The following LNX1 variants were observed in gnomAD, a reference collection of about 807,000 sequenced individuals.
LNX1 encodes the protein ligand of numb-protein X 1.
LNX1 carries 54 observed loss-of-function variants against 68.4 expected under a neutral mutation model. The ratio of observed to expected loss-of-function variants is 0.79; its 90% CI spans 0.63 to 0.99. The LOEUF (loss-of-function observed/expected upper bound fraction) is 0.99. LNX1 is among the 50% of genes least tolerant of loss of function. The probability of loss-of-function intolerance (pLI) is 0.00; values close to 1 mark genes in which losing one functional copy is unlikely to be tolerated. For missense variants in LNX1, 906 were observed against 926.4 expected, an observed-to-expected ratio of 0.98 and a Z score of 0.29; for synonymous variants, 336 against 350.0, an observed-to-expected ratio of 0.96 and a Z score of 0.45.
At position 53,461,416 on chromosome 4, in the gene LNX1, G is replaced by T. The variant is rs760442570; in HGVS notation, c.2051+19C>A. ...AACAACATTTAATACAAGTATTTTTGATTAGTCATTATTATTACCTAATTC... is the reference window on the plus strand; with the variant it reads ...AACAACATTTAATACAAGTATTTTTTATTAGTCATTATTATTACCTAATTC... On this transcript the variant is annotated intron_variant, in intron 10 of 10. Coordinates refer to ENST00000263925, the MANE Select transcript of LNX1 (RefSeq NM_001126328.3). 1.3e-6 allele frequency: 2 copies of T among 1,559,296 alleles called. No individual in the cohort carries two copies. The highest frequency in any genetic ancestry group is 8.8e-7 in the Non-Finnish European group (1 of 1,139,624).
intron 9 of LNX1, among the ~76,000 whole-genome samples, chr4:53,473,004 A>G (rs946089503): frequency 6.6e-6 from 1 of 152,182 alleles, no homozygotes; most frequent in Admixed American, 6.6e-5. Flanking sequence ...GTGATTTTCA[A>G]ATTTTTTTGT....
upstream of LNX1, among the ~76,000 whole-genome samples, chr4:53,592,561 G>A (rs1465703920): frequency 6.6e-6 from 1 of 152,172 alleles, no homozygotes; most frequent in African/African-American, 2.4e-5. Flanking sequence ...CCCCGTCCCG[G>A]AAGATGGCCT....
Position 53,461,050 on chromosome 4 carries a change from A to T in LNX1, c.2052-8T>A, listed in dbSNP as rs754510150. Reference sequence around the variant, plus strand: ...AGAAGAATATCACCACATCTAAAAAAAAAAACAAAACAAGATATGATTAGT... The same window carrying T: ...AGAAGAATATCACCACATCTAAAAATAAAAACAAAACAAGATATGATTAGT... On this transcript the variant is annotated splice_polypyrimidine_tract_variant and splice_region_variant and intron_variant, in intron 10 of 10. Transcript: ENST00000263925. 1 of 1,551,088 alleles carries T rather than the reference A, an allele frequency of 6.4e-7. No individual in the cohort carries two copies. Among genetic ancestry groups the T allele is most frequent in the East Asian group, 2.3e-5 (1 of 43,598 alleles).
At chr4:53,490,288 G>C (rs1388331904) in intron 6 of LNX1, among the ~76,000 whole-genome samples, 10 of 152,072 alleles carry the variant, frequency 6.6e-5, no homozygotes, top group Admixed American at 2.6e-4. Context: ...TTGAATCTTT[G>C]GTCCATTATT....
intron 1 of LNX1, among the ~76,000 whole-genome samples, chr4:53,625,285 A>C (rs2572294): frequency 0.98 from 149,717 of 152,276 alleles, 73,642 homozygotes; most frequent in Middle Eastern, 1. Flanking sequence ...AAAAAGACAA[A>C]CCATGGAATG....
intron 2 of LNX1, among the ~76,000 whole-genome samples, chr4:53,547,060 A>T (rs773868892): frequency 1.3e-5 from 2 of 152,222 alleles, no homozygotes; most frequent in Non-Finnish European, 2.9e-5. Flanking sequence ...TCTTGATCTC[A>T]GTCCACCTGT....
Position 53,459,323 on chromosome 4 carries a change from A to G in LNX1, c.*1584T>C, listed in dbSNP as rs750619092. 5 of 1,597,636 alleles carry G rather than the reference A, an allele frequency of 3.1e-6. No individual in the cohort carries two copies. The highest frequency in any genetic ancestry group is 2.6e-6 in the Non-Finnish European group (3 of 1,172,616). ...CCAGTAATAGTAGACGTCGCCATGA[A>G]AGTGAAGAAGGAGATAGTCACAGGA... On this transcript the variant is annotated 3_prime_UTR_variant, in exon 11 of 11. Transcript: ENST00000263925.
intron 4 of LNX1, chr4:53,502,038 T>A (rs1341637154): frequency 6.6e-6 from 1 of 152,284 alleles, no homozygotes. Flanking sequence ...CACACTATGA[T>A]CTGACCTTCA....
chr4:53,461,949 T>C (rs1231634521), intron 9 of LNX1, among the ~76,000 whole-genome samples: 2 of 152,116 alleles, frequency 1.3e-5, no homozygotes, highest in African/African-American at 2.4e-5. Context: ...AACACACTTA[T>C]GGATGTCATA....
intron 2 of LNX1, among the ~76,000 whole-genome samples, chr4:53,546,353 G>T (rs1729118440): frequency 1.3e-5 from 2 of 152,228 alleles, no homozygotes; most frequent in African/African-American, 4.8e-5. Flanking sequence ...GACTCCATCA[G>T]AGGATGCTGC....
intron 2 of LNX1, among the ~76,000 whole-genome samples, chr4:53,555,567 A>G (rs1217841029): frequency 6.6e-6 from 1 of 152,162 alleles, no homozygotes; most frequent in Non-Finnish European, 1.5e-5. Context: ...TTAGACTGTC[A>G]ACTCCTAGAA....
chr4:53,648,219 A>C (rs1314728895), intron 1 of LNX1, among the ~76,000 whole-genome samples: 1 of 152,226 alleles, frequency 6.6e-6, no homozygotes, highest in Non-Finnish European at 1.5e-5. Context: ...CATTTCCATC[A>C]ACAGTGCACA....
At chr4:53,631,636 T>G (rs1253102350) in intron 1 of LNX1, among the ~76,000 whole-genome samples, 1 of 152,186 alleles carries the variant, frequency 6.6e-6, no homozygotes, top group East Asian at 1.9e-4. Context: ...AAGTCCCTGA[T>G]GTCAGACCAC....
chr4:53,623,671 G>T (rs10031866), intron 1 of LNX1, among the ~76,000 whole-genome samples: 54,457 of 151,284 alleles, frequency 0.36, 10,551 homozygotes, highest in East Asian at 0.58. Context: ...AAGTTATATG[G>T]CTATGTTTTA....
At chr4:53,482,386 C>A (rs1390246405) in intron 6 of LNX1, among the ~76,000 whole-genome samples, 1 of 152,162 alleles carries the variant, frequency 6.6e-6, no homozygotes, top group African/African-American at 2.4e-5. Flanking sequence ...TGACTTCATA[C>A]ATTAATATGT....
chr4:53,472,685 CAAAAAA>C (rs1309297098), intron 9 of LNX1, among the ~76,000 whole-genome samples: 7 of 74,780 alleles, frequency 9.4e-5, no homozygotes, highest in Admixed American at 1.6e-4. Flanking sequence ...ACAACAACAA[CAAAAAA>C]AAAAAAAACA....
chr4:53,527,600 C>T (rs1224213087), intron 2 of LNX1, among the ~76,000 whole-genome samples: 1 of 152,232 alleles, frequency 6.6e-6, no homozygotes, highest in Non-Finnish European at 1.5e-5. Flanking sequence ...AATGCTTTGA[C>T]TCTTCTGTAC....
Position 53,535,887 on chromosome 4 carries a change from C to G in LNX1, c.381-27660G>C, listed in dbSNP as rs1359317726. Among the ~76,000 whole-genome samples, 4 of 152,144 alleles carry G rather than the reference C, an allele frequency of 2.6e-5. No homozygotes were observed. In the East Asian group the frequency reaches 5.8e-4, roughly 22 times the overall value. ...CTACATTTGATATGACCCCTGATAA[C>G]TGTTGACAAAAGCACCATCACACCC... On this transcript the variant is annotated intron_variant, in intron 2 of 10. Transcript: ENST00000263925.
chr4:53,497,254 A>G (rs189935355), intron 5 of LNX1, among the ~76,000 whole-genome samples: 173 of 152,278 alleles, frequency 1.1e-3, no homozygotes, highest in African/African-American at 3.7e-3. Flanking sequence ...AGAGCCCCCT[A>G]TGTTGGAAGA....
Sources: gnomAD v4.1 joint callset for allele counts (sites outside exome capture counted in the v4.1 genomes callset) on GRCh38, gnomAD v4.1.1 for gene constraint, MANE v1.5 for transcripts, NCBI Gene and HGNC (gene_info 2026-07-23, HGNC 2026-07-21) for gene names.